Variants in AHCYL2 observed in about 807,000 individuals in gnomAD.
The protein encoded by AHCYL2 is S-adenosylhomocysteine hydrolase-like protein 2.
AHCYL2 carries 28 observed loss-of-function variants against 81.4 expected under a neutral mutation model. The observed-to-expected ratio is 0.34, with a 90% confidence interval of 0.25 to 0.47. The LOEUF (loss-of-function observed/expected upper bound fraction) is 0.47, where lower values mean the gene tolerates loss of function less well. Ranked by LOEUF, AHCYL2 falls within the 20% of genes least tolerant of loss-of-function variation. The pLI is 1.00. For missense variants in AHCYL2, 551 were observed against 785.1 expected (o/e 0.70, Z 3.56); for synonymous variants, 272 against 290.2 (o/e 0.94, Z 0.64).
intron 1 of AHCYL2, among the ~76,000 whole-genome samples, chr7:129,237,784 G>A (rs1794692854): frequency 6.6e-6 from 1 of 152,122 alleles, no homozygotes; most frequent in Admixed American, 6.6e-5. Flanking sequence ...CTAGAGTGCA[G>A]TGGCACCATT....
chr7:129,266,200 G>A (rs1040617751), intron 1 of AHCYL2, among the ~76,000 whole-genome samples: 2 of 152,164 alleles, frequency 1.3e-5, no homozygotes. Flanking sequence ...ACAAATGACT[G>A]TTAACAATTA....
chr7:129,312,097 T>C (rs2150776741), intron 1 of AHCYL2, among the ~76,000 whole-genome samples: 1 of 152,282 alleles, frequency 6.6e-6, no homozygotes, highest in Non-Finnish European at 1.5e-5. Flanking sequence ...CAGGCAGTCC[T>C]CCCACCTCAG....
chr7:129,306,838 A>G (rs1280586105), intron 1 of AHCYL2, among the ~76,000 whole-genome samples: 1 of 152,218 alleles, frequency 6.6e-6, no homozygotes. Context: ...GTAATGCTGT[A>G]GTTCATACAG....
At chr7:129,303,938 T>C (rs996432523) in intron 1 of AHCYL2, among the ~76,000 whole-genome samples, 1 of 151,936 alleles carries the variant, frequency 6.6e-6, no homozygotes, top group Non-Finnish European at 1.5e-5. Flanking sequence ...TACAAAAAAT[T>C]AGTCGGGCAT....
intron 1 of AHCYL2, among the ~76,000 whole-genome samples, chr7:129,292,650 C>T (rs1197411626): frequency 6.6e-6 from 1 of 151,968 alleles, no homozygotes; most frequent in African/African-American, 2.4e-5. Context: ...ACCAGTAATC[C>T]CAGCTAGTTG....
chr7:129,258,486 C>T (rs1795505442), intron 1 of AHCYL2, among the ~76,000 whole-genome samples: 1 of 151,386 alleles, frequency 6.6e-6, no homozygotes, highest in Non-Finnish European at 1.5e-5. Flanking sequence ...GCTTGGAATG[C>T]CAATAGTTGG....
intron 1 of AHCYL2, among the ~76,000 whole-genome samples, chr7:129,235,623 A>G (rs895007429): frequency 9.9e-5 from 15 of 152,170 alleles, no homozygotes; most frequent in African/African-American, 2.2e-4. Flanking sequence ...GGGTTTCGCC[A>G]TATTGCCCAG....
At position 129,334,539 on chromosome 7, in the gene AHCYL2, C is replaced by T. The variant is rs559311570; in HGVS notation, c.364-45099C>T. Among the ~76,000 whole-genome samples the T allele has an allele frequency of 7.9e-5, 12 of 152,306 alleles. 1 individual carries two copies. The highest frequency in any genetic ancestry group is 2.9e-4 in the African/African-American group (12 of 41,568). On this transcript the variant is annotated intron_variant, in intron 1 of 16. Transcript: ENST00000325006. ...ATGATGATGGGATTCCTCCTATCTA[C>T]CTTGCCGGAAGCTCTGTGAAAATCT...
chr7:129,369,044 C>A (rs1161237768), intron 1 of AHCYL2, among the ~76,000 whole-genome samples: 1 of 152,182 alleles, frequency 6.6e-6, no homozygotes, highest in Non-Finnish European at 1.5e-5. Flanking sequence ...TATTTCCCCC[C>A]CAGCTATCCT....
intron 1 of AHCYL2, among the ~76,000 whole-genome samples, chr7:129,307,150 G>A (rs1563189927): frequency 6.6e-6 from 1 of 152,188 alleles, no homozygotes; most frequent in South Asian, 2.1e-4. Context: ...CAGTCAGCAG[G>A]TAGTGAAGCC....
intron 1 of AHCYL2, among the ~76,000 whole-genome samples, chr7:129,277,547 T>G (rs964589995): frequency 2.0e-5 from 3 of 152,282 alleles, no homozygotes; most frequent in African/African-American, 7.2e-5. Context: ...CCCAAAGTGC[T>G]AGGATTACAG....
intron 1 of AHCYL2, among the ~76,000 whole-genome samples, chr7:129,350,831 G>A (rs1793536283): frequency 6.7e-6 from 1 of 150,344 alleles, no homozygotes; most frequent in East Asian, 2.0e-4. Context: ...AGCTTCCTGA[G>A]TAGCTGGGAT....
chr7:129,324,967 A>G (rs896448304), intron 1 of AHCYL2, among the ~76,000 whole-genome samples: 1 of 152,120 alleles, frequency 6.6e-6, no homozygotes, highest in Non-Finnish European at 1.5e-5. Context: ...GTGTACTTCC[A>G]TTTCTTTCCA....
At chr7:129,302,192 A>G (rs1008350380) in intron 1 of AHCYL2, among the ~76,000 whole-genome samples, 1 of 152,140 alleles carries the variant, frequency 6.6e-6, no homozygotes, top group African/African-American at 2.4e-5. Context: ...TGCTGTTGGT[A>G]TATAGAAATG....
At chr7:129,235,179 C>G (rs1794597391) in intron 1 of AHCYL2, among the ~76,000 whole-genome samples, 1 of 152,122 alleles carries the variant, frequency 6.6e-6, no homozygotes, top group Non-Finnish European at 1.5e-5. Flanking sequence ...GTGAAACACT[C>G]TTTTCCCTTG....
chr7:129,407,548 CCAT>C (rs1796363741), intron 10 of AHCYL2, among the ~76,000 whole-genome samples: 1 of 151,988 alleles, frequency 6.6e-6, no homozygotes, highest in African/African-American at 2.4e-5. Context: ...CCTAGGGGAA[CCAT>C]CATCCTTCTG....
At chr7:129,272,909 T>TTTA (rs35382981) in intron 1 of AHCYL2, among the ~76,000 whole-genome samples, 3,700 of 151,944 alleles carry the variant, frequency 0.024, 71 homozygotes, top group Admixed American at 0.057. Context: ...TGACTTTTAT[T>TTTA]TTATTATTAT....
intron 1 of AHCYL2, among the ~76,000 whole-genome samples, chr7:129,349,769 C>T (rs1793492560): frequency 6.6e-6 from 1 of 151,984 alleles, no homozygotes; most frequent in Admixed American, 6.6e-5. Context: ...TGTAAGATGC[C>T]CTGGTAGTCC....
chr7:129,303,204 G>A (rs1584762405), intron 1 of AHCYL2, among the ~76,000 whole-genome samples: 1 of 152,096 alleles, frequency 6.6e-6, no homozygotes, highest in Admixed American at 6.5e-5. Flanking sequence ...TCTCCATGTT[G>A]GTCAGGCTGG....
Sources: allele counts gnomAD v4.1 joint callset (sites outside exome capture counted in the v4.1 genomes callset), GRCh38; gene constraint gnomAD v4.1.1; transcripts MANE v1.5; gene names NCBI Gene and HGNC (gene_info 2026-07-23, HGNC 2026-07-21).